Variants in KIAA0825 observed in about 807,000 individuals in gnomAD.
KIAA0825 encodes the protein uncharacterized protein KIAA0825.
A neutral mutation model predicts 147.6 loss-of-function variants in KIAA0825; 119 were observed. The observed-to-expected ratio is 0.81, with a 90% confidence interval of 0.69 to 0.94. KIAA0825 has a LOEUF of 0.94. KIAA0825 is among the 40% of genes least tolerant of loss of function. The pLI, the probability that KIAA0825 is intolerant of heterozygous loss-of-function variation, is 0.00. For synonymous variants in KIAA0825, 470 were observed against 518.1 expected (o/e 0.91, Z 1.26); for missense variants, 1,381 against 1,472.7 (o/e 0.94, Z 1.02).
chr5:94,462,659 T>C, intron 11 of KIAA0825, 90 bp from the exon 12 acceptor site: 2 of 624,238 alleles, frequency 3.2e-6, no homozygotes, highest in Non-Finnish European at 5.2e-6. Context: ...GTACTAAGCA[T>C]ATGTAAGAAT....
At chr5:94,180,500 A>G (rs1329912458) in intron 20 of KIAA0825, among the ~76,000 whole-genome samples, 4 of 152,226 alleles carry the variant, frequency 2.6e-5, no homozygotes, top group African/African-American at 9.6e-5. Context: ...ATTACCTACA[A>G]CCAAGGTTAA....
chr5:94,478,211 T>C (rs1174211518), intron 6 of KIAA0825, among the ~76,000 whole-genome samples: 1 of 152,234 alleles, frequency 6.6e-6, no homozygotes, highest in Non-Finnish European at 1.5e-5. Flanking sequence ...TTTGTTCTGA[T>C]GTTAATTTCA....
intron 18 of KIAA0825, among the ~76,000 whole-genome samples, chr5:94,388,834 G>T (rs1241926199): frequency 6.6e-6 from 1 of 152,078 alleles, no homozygotes; most frequent in Non-Finnish European, 1.5e-5. Flanking sequence ...ATTCTTTCTT[G>T]AACACCTTCC....
chr5:94,373,840 A>G (rs913737513), intron 20 of KIAA0825, among the ~76,000 whole-genome samples: 33 of 152,320 alleles, frequency 2.2e-4, no homozygotes, highest in African/African-American at 7.9e-4. Flanking sequence ...AATTTCTCTC[A>G]TAATTGTCAC....
At chr5:94,543,802 G>A (rs935169368) in intron 2 of KIAA0825, among the ~76,000 whole-genome samples, 8 of 152,126 alleles carry the variant, frequency 5.3e-5, no homozygotes, top group African/African-American at 1.9e-4. Flanking sequence ...AACCAAGATG[G>A]CCACAAGAGT....
chr5:94,422,433 A>G (rs1045764849), intron 14 of KIAA0825, among the ~76,000 whole-genome samples: 1 of 152,160 alleles, frequency 6.6e-6, no homozygotes, highest in Non-Finnish European at 1.5e-5. Flanking sequence ...CTAAATATAA[A>G]ATAGAAAGCT....
rs545958777 is a variant in KIAA0825 at position 94,484,397 on chromosome 5, G to A, written c.1132+372C>T. 1.7e-3 allele frequency among the ~76,000 whole-genome samples: 264 copies of A among 151,786 alleles called. 1 individual carries two copies. The highest frequency in any genetic ancestry group is 6.0e-3 in the African/African-American group (250 of 41,516). On this transcript the variant is annotated intron_variant, in intron 6 of 20. Transcript: ENST00000682413. ...AGGTGAGAAAATTCAGGTCTAAGGA[G>A]ACTATATGTTCTGCTCAAGATCATC...
At chr5:94,262,694 T>C (rs986494275) in intron 20 of KIAA0825, among the ~76,000 whole-genome samples, 6 of 152,204 alleles carry the variant, frequency 3.9e-5, no homozygotes, top group Non-Finnish European at 8.8e-5. Context: ...TCGTTCGATA[T>C]GCCTTATTTG....
chr5:94,558,135 C>T (rs1776904663), intron 2 of KIAA0825, among the ~76,000 whole-genome samples: 1 of 152,186 alleles, frequency 6.6e-6, no homozygotes, highest in Non-Finnish European at 1.5e-5. Flanking sequence ...CTATAACACT[C>T]ACCGCATGGC....
intron 20 of KIAA0825, among the ~76,000 whole-genome samples, chr5:94,329,392 A>G (rs1781041672): frequency 6.6e-6 from 1 of 152,172 alleles, no homozygotes. Flanking sequence ...GAAAGGACAT[A>G]GCATTTCCTT....
At chr5:94,594,340 T>C (rs1784882489) in intron 1 of KIAA0825, 1 of 699,866 alleles carries the variant, frequency 1.4e-6, no homozygotes, top group Non-Finnish European at 2.7e-6. Context: ...ATTGCTGGCA[T>C]GAATGTAGCA....
chr5:94,182,302 AGGGCT>A (rs1205920679), intron 20 of KIAA0825, among the ~76,000 whole-genome samples: 1 of 96,330 alleles, frequency 1.0e-5, no homozygotes, highest in Non-Finnish European at 1.9e-5. Context: ...CTCTGTCACC[AGGGCT>A]GGAGTGCAGT....
intron 5 of KIAA0825, among the ~76,000 whole-genome samples, chr5:94,504,750 T>C (rs940917457): frequency 1.6e-5 from 2 of 128,218 alleles, no homozygotes; most frequent in Non-Finnish European, 3.0e-5. Flanking sequence ...TCTTTTCTTT[T>C]TTTTTTTTTT....
chr5:94,358,287 G>C (rs1744585333), intron 20 of KIAA0825, among the ~76,000 whole-genome samples: 1 of 152,122 alleles, frequency 6.6e-6, no homozygotes, highest in African/African-American at 2.4e-5. Flanking sequence ...ACCTCTTAAA[G>C]TGCAAACTAG....
rs1231115040 is a variant in KIAA0825, at chr5:94,391,645, C to A, written c.3346G>T (p.Ala1116Ser). 3 of 1,550,918 alleles carry A rather than the reference C, an allele frequency of 1.9e-6. No homozygotes were observed. In the Admixed American group the frequency reaches 5.9e-5, roughly 31 times the overall value. The change falls in exon 18 of 21, where the codon GCT becomes TCT. Residue 1116 changes from alanine to serine, a missense_variant. Ala to Ser is a moderately conservative substitution (Grantham distance 99). Transcript: ENST00000682413. ...ATTTTCTGCTCAGTCAGTTCAAGAG[C>A]AACATCTCCTTCTTGTAAGGCCGTG... ...KSTALQEGDV[A>S]LELTEQKINT...
chr5:94,339,726 A>G (rs1782173319), intron 20 of KIAA0825, among the ~76,000 whole-genome samples: 1 of 152,160 alleles, frequency 6.6e-6, no homozygotes, highest in East Asian at 1.9e-4. Context: ...AGTTTGGCCC[A>G]CATTTTTTGT....
At chr5:94,287,367 A>G (rs1777707298) in intron 20 of KIAA0825, among the ~76,000 whole-genome samples, 1 of 152,200 alleles carries the variant, frequency 6.6e-6, no homozygotes, top group Non-Finnish European at 1.5e-5. Context: ...TAAAACAAGC[A>G]AGCATCATTT....
intron 3 of KIAA0825, among the ~76,000 whole-genome samples, chr5:94,529,833 T>C (rs1770413575): frequency 6.6e-6 from 1 of 152,204 alleles, no homozygotes; most frequent in Non-Finnish European, 1.5e-5. Flanking sequence ...ATGCAATAAA[T>C]ACCTAAGAAT....
chr5:94,266,427 A>G (rs190862255), intron 20 of KIAA0825, among the ~76,000 whole-genome samples: 140 of 152,332 alleles, frequency 9.2e-4, no homozygotes, highest in Non-Finnish European at 1.7e-3. Flanking sequence ...AAAGTACAAG[A>G]TATCATTTCA....
Sources: gnomAD v4.1 joint callset for allele counts (sites outside exome capture counted in the v4.1 genomes callset) on GRCh38, gnomAD v4.1.1 for gene constraint, MANE v1.5 for transcripts, NCBI Gene and HGNC (gene_info 2026-07-23, HGNC 2026-07-21) for gene names.